Variants in TMTC2 observed in about 807,000 individuals in gnomAD.
TMTC2 encodes protein O-mannosyl-transferase TMTC2.
In TMTC2, 43 loss-of-function variants were observed where a neutral mutation model predicts 82.4. The ratio of observed to expected loss-of-function variants is 0.52; its 90% confidence interval spans 0.41 to 0.67. The LOEUF (loss-of-function observed/expected upper bound fraction) is 0.67. Among genes scored for constraint, TMTC2 ranks in the 30% least tolerant of loss-of-function variants. The pLI is 0.00. For missense variants in TMTC2, 919 were observed against 1,012.4 expected (o/e 0.91, Z 1.25); for synonymous variants, 408 against 381.9 (o/e 1.07, Z -0.80).
At chr12:82,947,014 T>A (rs182180985) in intron 4 of TMTC2, among the ~76,000 whole-genome samples, 2,958 of 152,054 alleles carry the variant, frequency 0.019, 79 homozygotes, top group East Asian at 0.15. Flanking sequence ...AGTGCTGGGA[T>A]TACAGACGTG....
intron 1 of TMTC2, among the ~76,000 whole-genome samples, chr12:82,704,076 T>C (rs1922579): frequency 0.11 from 16,791 of 152,212 alleles, 1,055 homozygotes; most frequent in East Asian, 0.23. Flanking sequence ...ATTTATTTTT[T>C]TATGGGAGGT....
At chr12:82,710,912 A>G (rs991838346) in intron 1 of TMTC2, among the ~76,000 whole-genome samples, 20 of 152,190 alleles carry the variant, frequency 1.3e-4, no homozygotes, top group African/African-American at 4.1e-4. Flanking sequence ...GTCAGGCACC[A>G]TGTTAGTGGA....
At chr12:83,046,679 C>T (rs183712151) in intron 9 of TMTC2, among the ~76,000 whole-genome samples, 141 of 152,206 alleles carry the variant, frequency 9.3e-4, no homozygotes, top group African/African-American at 3.0e-3. Context: ...ATGGGCTTAA[C>T]GGTAATTCTT....
chr12:82,895,446 C>G (rs1176607973), intron 2 of TMTC2, among the ~76,000 whole-genome samples: 1 of 152,096 alleles, frequency 6.6e-6, no homozygotes, highest in African/African-American at 2.4e-5. Context: ...TTATCTTATG[C>G]AGAGTGCTAA....
intron 1 of TMTC2, among the ~76,000 whole-genome samples, chr12:82,698,917 G>A (rs1334102359): frequency 6.6e-6 from 1 of 152,198 alleles, no homozygotes; most frequent in Non-Finnish European, 1.5e-5. Context: ...CACATCCAGG[G>A]TGGGATAGGG....
At chr12:82,732,590 G>A (rs1241304649) in intron 1 of TMTC2, among the ~76,000 whole-genome samples, 1 of 152,082 alleles carries the variant, frequency 6.6e-6, no homozygotes, top group African/African-American at 2.4e-5. Context: ...TGATCCGTCT[G>A]CCTCGGCCTC....
chr12:83,018,927 A>G (rs547374683), intron 8 of TMTC2, among the ~76,000 whole-genome samples: 93 of 152,320 alleles, frequency 6.1e-4, no homozygotes, highest in African/African-American at 2.2e-3. Context: ...TGATTAAACA[A>G]TTCTACTAAA....
intron 1 of TMTC2, among the ~76,000 whole-genome samples, chr12:82,689,186 T>C (rs1872470862): frequency 1.3e-5 from 2 of 152,236 alleles, no homozygotes; most frequent in Admixed American, 6.5e-5. Flanking sequence ...AAAAAGCCCT[T>C]GTTTCCAAAG....
intron 2 of TMTC2, among the ~76,000 whole-genome samples, chr12:82,895,531 T>C (rs1873614227): frequency 6.6e-6 from 1 of 152,122 alleles, no homozygotes; most frequent in Non-Finnish European, 1.5e-5. Flanking sequence ...ACCTACTTTG[T>C]AGAGGTCACA....
At chr12:82,936,383 A>G (rs975435872) in intron 4 of TMTC2, among the ~76,000 whole-genome samples, 3 of 152,128 alleles carry the variant, frequency 2.0e-5, no homozygotes, top group Non-Finnish European at 2.9e-5. Flanking sequence ...TTTAACACAC[A>G]CACACAAGGA....
intron 7 of TMTC2, among the ~76,000 whole-genome samples, chr12:82,969,033 C>G (rs984947163): frequency 6.6e-6 from 1 of 152,112 alleles, no homozygotes; most frequent in Non-Finnish European, 1.5e-5. Flanking sequence ...ATAATTTTCT[C>G]AGAGAGTGAA....
chr12:82,784,249 C>G (rs1429923980), intron 1 of TMTC2, among the ~76,000 whole-genome samples: 1 of 151,996 alleles, frequency 6.6e-6, no homozygotes, highest in East Asian at 1.9e-4. Flanking sequence ...TTCCCATACC[C>G]CAGTTAATTA....
At chr12:82,902,960 GCA>G (rs1483539960) in intron 3 of TMTC2, among the ~76,000 whole-genome samples, 6 of 152,264 alleles carry the variant, frequency 3.9e-5, no homozygotes, top group Non-Finnish European at 5.9e-5. Context: ...AGATATAGAT[GCA>G]CACAGTCTCA....
At chr12:82,712,107 A>C (rs1873654209) in intron 1 of TMTC2, among the ~76,000 whole-genome samples, 1 of 151,600 alleles carries the variant, frequency 6.6e-6, no homozygotes, top group African/African-American at 2.4e-5. Context: ...TTCACCTTTC[A>C]TCTGTAGGTG....
chr12:82,968,530 G>A (rs1013274183), intron 7 of TMTC2, among the ~76,000 whole-genome samples: 2 of 152,006 alleles, frequency 1.3e-5, no homozygotes, highest in Non-Finnish European at 2.9e-5. Context: ...TGCTTCCAAG[G>A]CCTTATTCCC....
chr12:82,853,715 C>T (rs1053061119), intron 1 of TMTC2, among the ~76,000 whole-genome samples: 3 of 152,134 alleles, frequency 2.0e-5, no homozygotes, highest in Non-Finnish European at 2.9e-5. Context: ...CTAAACAAAG[C>T]GTGCCTCACA....
chr12:82,882,492 T>C (rs1011036981), intron 2 of TMTC2, among the ~76,000 whole-genome samples: 14 of 151,976 alleles, frequency 9.2e-5, no homozygotes, highest in African/African-American at 3.4e-4. Context: ...AAATTTATAA[T>C]GGCCTTTCGC....
At chr12:82,842,881 C>T (rs1196772973) in intron 1 of TMTC2, among the ~76,000 whole-genome samples, 2 of 152,108 alleles carry the variant, frequency 1.3e-5, no homozygotes, top group Non-Finnish European at 2.9e-5. Flanking sequence ...CGAAATGCCT[C>T]ATTTTAACTT....
intron 1 of TMTC2, among the ~76,000 whole-genome samples, chr12:82,837,668 T>G (rs1467830969): frequency 2.6e-5 from 4 of 152,198 alleles, no homozygotes; most frequent in Non-Finnish European, 5.9e-5. Flanking sequence ...TGAAATCTCT[T>G]CCATTCCGAC....
Sources: gnomAD v4.1 joint callset for allele counts (sites outside exome capture counted in the v4.1 genomes callset) on GRCh38, gnomAD v4.1.1 for gene constraint, MANE v1.5 for transcripts, NCBI Gene and HGNC (gene_info 2026-07-23, HGNC 2026-07-21) for gene names.